Variants in MEGF10 observed in about 807,000 individuals in gnomAD.
The protein encoded by MEGF10 is multiple EGF like domains 10.
A neutral mutation model predicts 147.5 loss-of-function variants in MEGF10; 86 were observed. The observed-to-expected ratio is 0.58, with a 90% CI of 0.49 to 0.70. MEGF10 has a LOEUF of 0.70. Ranked by LOEUF, MEGF10 falls within the 30% of genes least tolerant of loss-of-function variation. The probability of loss-of-function intolerance (pLI) is 0.00; values close to 1 mark genes in which losing one functional copy is unlikely to be tolerated. For synonymous variants in MEGF10, 478 were observed against 525.5 expected (o/e 0.91, Z 1.24); for missense variants, 1,329 against 1,487.3 (o/e 0.89, Z 1.75).
the MEGF10 span, among the ~76,000 whole-genome samples, chr5:127,247,362 GAAGAAGAAGAAGAA>G: frequency 3.2e-4 from 1 of 3,164 alleles, no homozygotes; most frequent in Non-Finnish European, 6.2e-4. Context: ...AGAAGAAGAA[GAAGAAGAAGAAGAA>G]GAAGAAGAAG....
intron 1 of MEGF10, among the ~76,000 whole-genome samples, chr5:127,325,905 A>T (rs202001627): frequency 1.2e-3 from 20 of 16,910 alleles, no homozygotes; most frequent in African/African-American, 1.4e-3. Context: ...ATATATATAT[A>T]TATATTTTTT....
chr5:127,447,771 G>A (rs1766005451), intron 21 of MEGF10, 87 bp downstream of exon 21: 29 of 1,508,140 alleles, frequency 1.9e-5, no homozygotes, highest in Non-Finnish European at 2.5e-5. Flanking sequence ...GTTCACCAGA[G>A]GCTGTTCTAG....
intron 5 of MEGF10, among the ~76,000 whole-genome samples, chr5:127,393,702 A>G (rs2068168): frequency 0.1 from 15,956 of 152,164 alleles, 930 homozygotes; most frequent in Non-Finnish European, 0.13. Flanking sequence ...GAAATTAACC[A>G]TGTCAGCATG....
intron 1 of MEGF10, among the ~76,000 whole-genome samples, chr5:127,301,221 G>T (rs546456612): frequency 2.0e-5 from 3 of 152,258 alleles, no homozygotes; most frequent in South Asian, 2.1e-4. Flanking sequence ...CATGCTTCCA[G>T]TCCCAGAACA....
intron 1 of MEGF10, among the ~76,000 whole-genome samples, chr5:127,320,815 C>G (rs911015570): frequency 6.6e-6 from 1 of 152,206 alleles, no homozygotes; most frequent in African/African-American, 2.4e-5. Context: ...CTGCGAGATA[C>G]CTGTGGTCAC....
intron 4 of MEGF10, among the ~76,000 whole-genome samples, chr5:127,368,327 G>A (rs1390709483): frequency 1.1e-4 from 17 of 152,146 alleles, no homozygotes; most frequent in Admixed American, 1.1e-3. Context: ...GGGTCCCAAG[G>A]TCACCAGTCC....
intron 1 of MEGF10, among the ~76,000 whole-genome samples, chr5:127,317,669 G>A (rs570432779): frequency 5.3e-5 from 8 of 152,202 alleles, no homozygotes; most frequent in East Asian, 1.9e-4. Flanking sequence ...CAAACACCCC[G>A]TGTTCTCACT....
chr5:127,391,102 G>GCGCGCACACACACA (rs1426600414), intron 5 of MEGF10, among the ~76,000 whole-genome samples: 2 of 53,892 alleles, frequency 3.7e-5, no homozygotes, highest in South Asian at 5.9e-4. Flanking sequence ...GCGCGCGCGC[G>GCGCGCACACACACA]CACACACACA....
At chr5:127,413,219 T>G (rs1764638901) in intron 9 of MEGF10, among the ~76,000 whole-genome samples, 1 of 152,202 alleles carries the variant, frequency 6.6e-6, no homozygotes, top group Non-Finnish European at 1.5e-5. Context: ...TTATTGAGCC[T>G]AAAGATATTC....
At chr5:127,388,849 T>C (rs1284627778) in intron 5 of MEGF10, among the ~76,000 whole-genome samples, 1 of 152,176 alleles carries the variant, frequency 6.6e-6, no homozygotes. Flanking sequence ...CTGGCCAATT[T>C]TATTTTTTCT....
At chr5:127,307,792 TG>T (rs2126728223) in intron 1 of MEGF10, among the ~76,000 whole-genome samples, 1 of 152,310 alleles carries the variant, frequency 6.6e-6, no homozygotes, top group South Asian at 2.1e-4. Flanking sequence ...AAAAGGAAAT[TG>T]TTGGCTTTAA....
the MEGF10 span, among the ~76,000 whole-genome samples, chr5:127,249,767 A>C: frequency 6.6e-6 from 1 of 152,006 alleles, no homozygotes; most frequent in Non-Finnish European, 1.5e-5. Context: ...AAAGAATAAA[A>C]ATTTATTTAT....
intron 13 of MEGF10, among the ~76,000 whole-genome samples, chr5:127,432,328 T>A (rs1278330408): frequency 6.6e-6 from 1 of 152,226 alleles, no homozygotes; most frequent in Non-Finnish European, 1.5e-5. Context: ...TGTGGTGACT[T>A]TTTGCCTGAT....
the MEGF10 span, among the ~76,000 whole-genome samples, chr5:127,231,781 G>C: frequency 1.3e-5 from 2 of 152,196 alleles, no homozygotes; most frequent in African/African-American, 4.8e-5. Flanking sequence ...TATGATATAG[G>C]TGTGTGACAT....
At chr5:127,413,606 C>G (rs1169783763) in intron 9 of MEGF10, among the ~76,000 whole-genome samples, 1 of 152,130 alleles carries the variant, frequency 6.6e-6, no homozygotes, top group Admixed American at 6.5e-5. Flanking sequence ...TGTGTATAAT[C>G]CTATTTTCAT....
At chr5:127,293,466 G>A (rs1250393141) in intron 1 of MEGF10, among the ~76,000 whole-genome samples, 3 of 152,108 alleles carry the variant, frequency 2.0e-5, no homozygotes, top group Non-Finnish European at 2.9e-5. Context: ...ATTTTGTATG[G>A]TTCAAACTAT....
intron 14 of MEGF10, among the ~76,000 whole-genome samples, chr5:127,434,485 G>A (rs764230688): frequency 6.6e-6 from 1 of 152,260 alleles, no homozygotes; most frequent in African/African-American, 2.4e-5. Context: ...GAAACTCAGA[G>A]TTTAGTGGCT....
chr5:127,461,148 C>A lies in MEGF10; in HGVS notation c.*3830C>A, dbSNP rs868835321. On this transcript the variant is annotated 3_prime_UTR_variant, in exon 25 of 25. Transcript: ENST00000503335. ...TTTTCCAAAGATGATAAACTTTCATCGTTCTTAGCCTACATTGTCATTTAT... is the reference window on the plus strand; with the variant it reads ...TTTTCCAAAGATGATAAACTTTCATAGTTCTTAGCCTACATTGTCATTTAT... 1 of 152,118 alleles carries A rather than the reference C, an allele frequency of 6.6e-6. No homozygotes were observed. Among genetic ancestry groups the A allele is most frequent in the East Asian group, 1.9e-4 (1 of 5,204 alleles). 9.4% of individuals were successfully genotyped at this position (152,118 alleles called of 1,614,324 possible).
chr5:127,442,664 T>C (rs893312603), intron 18 of MEGF10, among the ~76,000 whole-genome samples: 1 of 152,228 alleles, frequency 6.6e-6, no homozygotes, highest in Non-Finnish European at 1.5e-5. Context: ...GGTGGACTTG[T>C]ATCAAATTGC....
Sources: gnomAD v4.1 joint callset for allele counts (sites outside exome capture counted in the v4.1 genomes callset) on GRCh38, gnomAD v4.1.1 for gene constraint, MANE v1.5 for transcripts, NCBI Gene and HGNC (gene_info 2026-07-23, HGNC 2026-07-21) for gene names.